Variants in ADAM12 observed in about 807,000 individuals in gnomAD.
ADAM12 encodes ADAM metallopeptidase domain 12.
Under a neutral mutation model 106.4 loss-of-function variants are expected in ADAM12, and 70 were observed. The ratio of observed to expected loss-of-function variants is 0.66; its 90% CI spans 0.54 to 0.80. The LOEUF is 0.80. Among genes scored for constraint, ADAM12 ranks in the 30% least tolerant of loss-of-function variants. ADAM12 has a pLI of 0.00. For missense variants in ADAM12, 1,010 were observed against 1,171.9 expected (o/e 0.86, Z 2.02); for synonymous variants, 420 against 433.5 (o/e 0.97, Z 0.39).
chr10:126,035,035 TATAGTGGA>T, intron 21 of ADAM12, among the ~76,000 whole-genome samples: 1 of 152,170 alleles, frequency 6.6e-6, no homozygotes, highest in South Asian at 2.1e-4. Context: ...GAGACACAAT[TATAGTGGA>T]AAAGTCCAAC....
At chr10:126,035,557 TTATCTCC>T (rs774018780) in intron 21 of ADAM12, among the ~76,000 whole-genome samples, 25 of 152,188 alleles carry the variant, frequency 1.6e-4, no homozygotes, top group Non-Finnish European at 3.4e-4. Flanking sequence ...TTACCAGTGA[TTATCTCC>T]TACTTATTTG....
intron 3 of ADAM12, among the ~76,000 whole-genome samples, chr10:126,167,374 A>G (rs1957042286): frequency 6.6e-6 from 1 of 152,214 alleles, no homozygotes; most frequent in African/African-American, 2.4e-5. Context: ...TTTTCTGCCC[A>G]TATTCCTTTA....
intron 3 of ADAM12, among the ~76,000 whole-genome samples, chr10:126,208,852 G>T (rs1590622660): frequency 6.9e-6 from 1 of 145,732 alleles, no homozygotes; most frequent in Admixed American, 6.8e-5. Flanking sequence ...AAAAAAGAAA[G>T]TTTTTTTTTT....
intron 2 of ADAM12, among the ~76,000 whole-genome samples, chr10:126,313,532 G>T (rs1961209395): frequency 6.6e-6 from 1 of 152,170 alleles, no homozygotes; most frequent in Non-Finnish European, 1.5e-5. Flanking sequence ...CATATAAGAT[G>T]ACCATATAAA....
At chr10:126,058,944 A>G (rs937086948) in intron 14 of ADAM12, among the ~76,000 whole-genome samples, 4 of 152,234 alleles carry the variant, frequency 2.6e-5, no homozygotes, top group African/African-American at 9.6e-5. Context: ...TGGTTTTCTT[A>G]TCACTACCAT....
At chr10:126,288,695 A>T (rs1959998481) in intron 2 of ADAM12, among the ~76,000 whole-genome samples, 1 of 147,274 alleles carries the variant, frequency 6.8e-6, no homozygotes, top group Non-Finnish European at 1.5e-5. Flanking sequence ...GTGGTGATCC[A>T]GGGACAGGAC....
intron 3 of ADAM12, among the ~76,000 whole-genome samples, chr10:126,204,141 C>G (rs1173597630): frequency 6.6e-6 from 1 of 152,190 alleles, no homozygotes; most frequent in East Asian, 1.9e-4. Context: ...AAGCCACCTC[C>G]TACTTCAGAG....
intron 3 of ADAM12, among the ~76,000 whole-genome samples, chr10:126,272,014 T>C (rs1340669023): frequency 6.6e-6 from 1 of 152,212 alleles, no homozygotes; most frequent in African/African-American, 2.4e-5. Flanking sequence ...GACTGGGCTC[T>C]TCCCTCTGTG....
intron 10 of ADAM12, among the ~76,000 whole-genome samples, chr10:126,097,210 G>C (rs1955574078): frequency 1.3e-5 from 2 of 152,218 alleles, no homozygotes; most frequent in African/African-American, 4.8e-5. Flanking sequence ...AGTCTGCTCT[G>C]TAAAAATAGA....
At chr10:126,184,059 G>A (rs1268548497) in intron 3 of ADAM12, among the ~76,000 whole-genome samples, 1 of 152,164 alleles carries the variant, frequency 6.6e-6, no homozygotes, top group African/African-American at 2.4e-5. Context: ...TCTGAGCCAA[G>A]GAATCTGGAC....
At chr10:126,279,280 A>G (rs909758515) in intron 2 of ADAM12, among the ~76,000 whole-genome samples, 9 of 151,968 alleles carry the variant, frequency 5.9e-5, no homozygotes, top group African/African-American at 2.2e-4. Flanking sequence ...AAAAATCAGA[A>G]TATTAGCCAG....
At chr10:126,362,609 A>C (rs1464448654) in intron 1 of ADAM12, among the ~76,000 whole-genome samples, 2 of 152,208 alleles carry the variant, frequency 1.3e-5, no homozygotes, top group Non-Finnish European at 2.9e-5. Context: ...AATACTATTC[A>C]GTCTTTAAAA....
At chr10:126,034,066 G>A (rs60551403) in intron 21 of ADAM12, among the ~76,000 whole-genome samples, 3,140 of 152,262 alleles carry the variant, frequency 0.021, 108 homozygotes, top group African/African-American at 0.069. Flanking sequence ...CATAAAGGTA[G>A]TATTTAAGAC....
intron 3 of ADAM12, among the ~76,000 whole-genome samples, chr10:126,156,360 TTACA>T (rs1456281280): frequency 2.6e-5 from 4 of 152,200 alleles, no homozygotes; most frequent in Non-Finnish European, 5.9e-5. Context: ...TCCTCTCCAT[TTACA>T]TAGGGCGTAC....
intron 1 of ADAM12, among the ~76,000 whole-genome samples, chr10:126,348,744 C>G (rs371684514): frequency 6.6e-6 from 1 of 151,988 alleles, no homozygotes; most frequent in Non-Finnish European, 1.5e-5. Context: ...TTTATGAGAG[C>G]GAACCATAAA....
intron 2 of ADAM12, among the ~76,000 whole-genome samples, chr10:126,328,835 C>T (rs1456054250): frequency 6.6e-6 from 1 of 152,156 alleles, no homozygotes; most frequent in Non-Finnish European, 1.5e-5. Flanking sequence ...CATGGTTCTT[C>T]CTAGTCTTCT....
intron 18 of ADAM12, among the ~76,000 whole-genome samples, chr10:126,042,494 A>G (rs1420631777): frequency 6.6e-6 from 1 of 152,162 alleles, no homozygotes; most frequent in Non-Finnish European, 1.5e-5. Flanking sequence ...AAAGAATCAT[A>G]CCACCTTCTT....
chr10:126,317,162 G>A (rs902815211), intron 2 of ADAM12, among the ~76,000 whole-genome samples: 3 of 152,130 alleles, frequency 2.0e-5, no homozygotes, highest in African/African-American at 7.2e-5. Context: ...TTCTGCAATT[G>A]AGCGAATCCA....
chr10:126,086,909 T>C lies in ADAM12; in HGVS notation c.1145+7076A>G, dbSNP rs113085459. 3.7e-3 allele frequency among the ~76,000 whole-genome samples: 563 copies of C among 151,118 alleles called. 3 individuals are homozygous for C. Among genetic ancestry groups the C allele is most frequent in the African/African-American group, 0.013 (552 of 41,060 alleles). On this transcript the variant is annotated intron_variant, in intron 11 of 22. Coordinates refer to ENST00000448723, the MANE Select transcript of ADAM12 (RefSeq NM_001288973.2). ...TTAGCTGGGTTTGGTAGTGTGCACCTGTAATCCCAGCAACTCGGGAGGCTG... is the reference window on the plus strand; with the variant it reads ...TTAGCTGGGTTTGGTAGTGTGCACCCGTAATCCCAGCAACTCGGGAGGCTG...
Sources: gnomAD v4.1 joint callset for allele counts (sites outside exome capture counted in the v4.1 genomes callset) on GRCh38, gnomAD v4.1.1 for gene constraint, MANE v1.5 for transcripts, NCBI Gene and HGNC (gene_info 2026-07-23, HGNC 2026-07-21) for gene names.